The following CCDC6 variants were observed in gnomAD, a reference collection of about 807,000 sequenced individuals.
CCDC6 encodes the protein coiled-coil domain containing 6.
Under a neutral mutation model 56.6 loss-of-function variants are expected in CCDC6, and 20 were observed. The observed-to-expected ratio is 0.35, with a 90% CI of 0.25 to 0.51. The LOEUF (loss-of-function observed/expected upper bound fraction) is 0.51. CCDC6 is among the 20% of genes least tolerant of loss of function. The pLI, the probability that CCDC6 is intolerant of heterozygous loss-of-function variation, is 0.95. For missense variants in CCDC6, 367 were observed against 601.1 expected (o/e 0.61, Z 4.07); for synonymous variants, 241 against 234.4 (o/e 1.03, Z -0.26).
At chr10:59,855,545 G>C (rs1170121161) in intron 1 of CCDC6, among the ~76,000 whole-genome samples, 1 of 152,172 alleles carries the variant, frequency 6.6e-6, no homozygotes, top group East Asian at 1.9e-4. Flanking sequence ...CAGGCTGTGT[G>C]ACAGAGTGAG....
At chr10:59,872,753 C>A (rs2071240405) in intron 1 of CCDC6, among the ~76,000 whole-genome samples, 1 of 136,612 alleles carries the variant, frequency 7.3e-6, no homozygotes, top group Non-Finnish European at 1.5e-5. Context: ...GGGGCTGCAT[C>A]CAGTCAAAGA....
At chr10:59,885,199 A>T (rs1170491624) in intron 1 of CCDC6, among the ~76,000 whole-genome samples, 1 of 152,128 alleles carries the variant, frequency 6.6e-6, no homozygotes, top group African/African-American at 2.4e-5. Context: ...TACATTTGTT[A>T]TATCTACAAT....
At chr10:59,854,787 C>G (rs1294362831) in intron 1 of CCDC6, among the ~76,000 whole-genome samples, 1 of 152,222 alleles carries the variant, frequency 6.6e-6, no homozygotes, top group African/African-American at 2.4e-5. Flanking sequence ...ACATACATAT[C>G]TAAGCCTGCC....
intron 5 of CCDC6, among the ~76,000 whole-genome samples, chr10:59,809,375 C>T (rs2070653873): frequency 6.6e-6 from 1 of 152,158 alleles, no homozygotes; most frequent in African/African-American, 2.4e-5. Flanking sequence ...GCAGGGGGAT[C>T]CTTAAACAAT....
chr10:59,796,596 T>C (rs900775472), intron 7 of CCDC6, among the ~76,000 whole-genome samples: 4 of 152,168 alleles, frequency 2.6e-5, no homozygotes, highest in African/African-American at 9.7e-5. Flanking sequence ...CTTCTGGGTA[T>C]TTATACAAAA....
intron 2 of CCDC6, among the ~76,000 whole-genome samples, chr10:59,836,968 T>C (rs1049329629): frequency 6.6e-6 from 1 of 152,238 alleles, no homozygotes; most frequent in African/African-American, 2.4e-5. Flanking sequence ...AAGCAAGCAT[T>C]TTCTTGTATC....
At chr10:59,882,568 G>C (rs79529195) in intron 1 of CCDC6, among the ~76,000 whole-genome samples, 24 of 41,494 alleles carry the variant, frequency 5.8e-4, no homozygotes, top group Non-Finnish European at 9.6e-4. Flanking sequence ...GGAAAGCCGC[G>C]GGGAGAAGGA....
intron 1 of CCDC6, among the ~76,000 whole-genome samples, chr10:59,876,714 G>A (rs2071284644): frequency 6.6e-6 from 1 of 151,620 alleles, no homozygotes; most frequent in Non-Finnish European, 1.5e-5. Flanking sequence ...TTAGCAGCAT[G>A]AGCACAGCAA....
intron 2 of CCDC6, among the ~76,000 whole-genome samples, chr10:59,836,677 C>T (rs1252231852): frequency 6.6e-6 from 1 of 152,184 alleles, no homozygotes; most frequent in African/African-American, 2.4e-5. Context: ...TCAACAAATA[C>T]ATTTTTTATA....
chr10:59,895,733 G>A (rs944780701), intron 1 of CCDC6, among the ~76,000 whole-genome samples: 1 of 152,162 alleles, frequency 6.6e-6, no homozygotes. Context: ...AGTCCTTGAC[G>A]TTCTGGAGGC....
At chr10:59,796,390 T>C (rs1029714577) in intron 7 of CCDC6, among the ~76,000 whole-genome samples, 6 of 151,360 alleles carry the variant, frequency 4.0e-5, no homozygotes, top group Non-Finnish European at 5.9e-5. Flanking sequence ...GTCAGATGAG[T>C]AGGTTGCAAA....
At chr10:59,878,628 C>T (rs2071305521) in intron 1 of CCDC6, among the ~76,000 whole-genome samples, 1 of 152,122 alleles carries the variant, frequency 6.6e-6, no homozygotes, top group African/African-American at 2.4e-5. Flanking sequence ...AGTCACATCC[C>T]AATCCATGTG....
chr10:59,816,352 TA>T (rs1403686165), intron 3 of CCDC6, among the ~76,000 whole-genome samples: 2 of 152,264 alleles, frequency 1.3e-5, no homozygotes, highest in Non-Finnish European at 2.9e-5. Flanking sequence ...CTCAAAGCCA[TA>T]AAAATAGCTG....
At chr10:59,869,236 G>A (rs930322094) in intron 1 of CCDC6, among the ~76,000 whole-genome samples, 1 of 151,480 alleles carries the variant, frequency 6.6e-6, no homozygotes, top group Non-Finnish European at 1.5e-5. Context: ...CACTTAGCCA[G>A]AAAAGCCTCC....
At chr10:59,800,107 T>C (rs1015385457) in intron 7 of CCDC6, among the ~76,000 whole-genome samples, 3 of 152,186 alleles carry the variant, frequency 2.0e-5, no homozygotes, top group Non-Finnish European at 2.9e-5. Context: ...TCACAAGAAA[T>C]TGCAAGAATA....
At chr10:59,835,376 C>T (rs1438484672) in intron 2 of CCDC6, among the ~76,000 whole-genome samples, 1 of 152,208 alleles carries the variant, frequency 6.6e-6, no homozygotes, top group Non-Finnish European at 1.5e-5. Context: ...CTAACACTGT[C>T]AGTAGCTTTA....
intron 2 of CCDC6, among the ~76,000 whole-genome samples, chr10:59,839,665 C>A (rs1306069079): frequency 6.6e-6 from 1 of 152,148 alleles, no homozygotes; most frequent in African/African-American, 2.4e-5. Flanking sequence ...TCATTTACTT[C>A]CAAACATTGG....
intron 1 of CCDC6, among the ~76,000 whole-genome samples, chr10:59,865,852 C>CAAAAAAAAAAAAAAAAAAAAAA (rs777021321): frequency 1.1e-4 from 6 of 57,036 alleles, no homozygotes; most frequent in African/African-American, 4.4e-4. Context: ...TCCATCTCCA[C>CAAAAAAAAAAAAAAAAAAAAAA]AAAAAAAAAA....
At chr10:59,794,687 C>G (rs2070498110) in intron 7 of CCDC6, 90 bp from the exon 8 acceptor site, 2 of 1,043,860 alleles carry the variant, frequency 1.9e-6, no homozygotes, top group African/African-American at 1.6e-5. Flanking sequence ...CAGTAGTTCT[C>G]TATCACCCAC....
Sources: allele counts gnomAD v4.1 joint callset (sites outside exome capture counted in the v4.1 genomes callset), GRCh38; gene constraint gnomAD v4.1.1; transcripts MANE v1.5; gene names NCBI Gene and HGNC (gene_info 2026-07-23, HGNC 2026-07-21).